Variants in CTNNA3 observed in about 807,000 individuals in gnomAD.
CTNNA3 encodes the protein catenin alpha-3.
CTNNA3 carries 76 observed loss-of-function variants against 95.7 expected under a neutral mutation model. The ratio of observed to expected loss-of-function variants is 0.79; its 90% CI spans 0.66 to 0.96. CTNNA3 has a LOEUF of 0.96. Among genes scored for constraint, CTNNA3 ranks in the 40% least tolerant of loss-of-function variants. The pLI, the probability that CTNNA3 is intolerant of heterozygous loss-of-function variation, is 0.00. For missense variants in CTNNA3, 1,191 were observed against 1,089.8 expected (o/e 1.09, Z -1.31); for synonymous variants, 431 against 374.4 (o/e 1.15, Z -1.74).
At chr10:67,203,275 G>T (rs1019043773) in intron 6 of CTNNA3, among the ~76,000 whole-genome samples, 1 of 152,168 alleles carries the variant, frequency 6.6e-6, no homozygotes, top group Non-Finnish European at 1.5e-5. Context: ...CACGAGATCT[G>T]ATGGTTTTAT....
intron 5 of CTNNA3, among the ~76,000 whole-genome samples, chr10:67,287,061 C>T (rs576328051): frequency 4.7e-4 from 72 of 152,200 alleles, no homozygotes; most frequent in African/African-American, 1.6e-3. Context: ...ATGCTGGGCC[C>T]GAGCGCGGTG....
intron 11 of CTNNA3, among the ~76,000 whole-genome samples, chr10:66,439,241 C>G (rs928332813): frequency 1.3e-4 from 19 of 151,868 alleles, no homozygotes; most frequent in African/African-American, 4.1e-4. Flanking sequence ...TCATAAAGTA[C>G]AATATATCAA....
intron 7 of CTNNA3, among the ~76,000 whole-genome samples, chr10:67,118,431 C>G (rs1187829173): frequency 6.6e-6 from 1 of 151,944 alleles, no homozygotes; most frequent in Non-Finnish European, 1.5e-5. Context: ...TTCTGCTTTG[C>G]TCTGTTCTAA....
chr10:67,140,251 G>A (rs1323533571), intron 7 of CTNNA3, among the ~76,000 whole-genome samples: 2 of 152,026 alleles, frequency 1.3e-5, no homozygotes, highest in African/African-American at 4.8e-5. Flanking sequence ...GGTTTTATTT[G>A]TAGGTCAATT....
At chr10:65,968,884 G>A (rs890470779) in intron 16 of CTNNA3, among the ~76,000 whole-genome samples, 12 of 152,222 alleles carry the variant, frequency 7.9e-5, no homozygotes, top group African/African-American at 2.4e-4. Flanking sequence ...CTTCAGCACC[G>A]GTGCTCATGC....
At chr10:67,341,530 TC>T (rs1285142854) in intron 5 of CTNNA3, among the ~76,000 whole-genome samples, 3 of 152,246 alleles carry the variant, frequency 2.0e-5, no homozygotes, top group African/African-American at 7.2e-5. Context: ...AGGATCTTAT[TC>T]TTTTTTATGG....
intron 1 of CTNNA3, among the ~76,000 whole-genome samples, chr10:67,713,681 AG>A (rs1841125682): frequency 6.6e-6 from 1 of 152,230 alleles, no homozygotes; most frequent in African/African-American, 2.4e-5. Flanking sequence ...AAACTAACAC[AG>A]GAACAGAAAA....
intron 2 of CTNNA3, among the ~76,000 whole-genome samples, chr10:67,629,669 G>C (rs1839077521): frequency 6.6e-6 from 1 of 152,162 alleles, no homozygotes; most frequent in African/African-American, 2.4e-5. Flanking sequence ...ATAAGGATAA[G>C]CATCTGGCCT....
chr10:67,681,012 A>T (rs1039006835), intron 1 of CTNNA3, among the ~76,000 whole-genome samples: 15 of 152,214 alleles, frequency 9.9e-5, no homozygotes, highest in Non-Finnish European at 1.6e-4. Flanking sequence ...ACCAATAAAA[A>T]TTTTTTAAAT....
rs959596944 is a variant in CTNNA3, at chr10:67,136,207, C to A, written c.1047+44110G>T. 2.0e-5 allele frequency among the ~76,000 whole-genome samples: 3 copies of A among 151,902 alleles called. No individual in the cohort carries two copies. The South Asian group carries it at 6.2e-4, about 32-fold the overall frequency. On this transcript the variant is annotated intron_variant, in intron 7 of 17. Transcript: ENST00000433211. ...TACCAGTCATTACATATTCCATTAT[C>A]CCTTATATTTTCTATTTTTAGGGTA...
intron 13 of CTNNA3, among the ~76,000 whole-genome samples, chr10:66,217,843 C>G (rs1005428725): frequency 1.4e-4 from 21 of 152,084 alleles, no homozygotes; most frequent in Non-Finnish European, 1.3e-4. Flanking sequence ...AGCGGGAGGT[C>G]CAGCGAAACT....
chr10:67,450,790 TA>T (rs986657853), intron 5 of CTNNA3, among the ~76,000 whole-genome samples: 8 of 151,368 alleles, frequency 5.3e-5, no homozygotes, highest in African/African-American at 1.7e-4. Context: ...AATAAAAGTT[TA>T]AAAAAAAGTT....
rs548070171 is a variant in CTNNA3, at chr10:65,937,849, T to C, written c.2401-17232A>G. Among the ~76,000 whole-genome samples the C allele has an allele frequency of 9.8e-5, 15 of 152,294 alleles. No individual in the cohort carries two copies. The South Asian group carries it at 2.5e-3, about 25-fold the overall frequency. On this transcript the variant is annotated intron_variant, in intron 17 of 17. Coordinates refer to ENST00000433211, the MANE Select transcript of CTNNA3 (RefSeq NM_013266.4). ...TTTTTCTTTGATTCTGTGAATCTAA[T>C]AGATCATGACACTTTGCAAGCAGGT...
intron 17 of CTNNA3, among the ~76,000 whole-genome samples, chr10:65,946,367 C>G (rs1387992235): frequency 1.3e-5 from 2 of 152,038 alleles, no homozygotes; most frequent in Non-Finnish European, 2.9e-5. Context: ...AAATTACAAA[C>G]TTTTTTAGCA....
intron 12 of CTNNA3, among the ~76,000 whole-genome samples, chr10:66,366,030 A>G (rs2092708943): frequency 6.6e-6 from 1 of 152,126 alleles, no homozygotes; most frequent in Non-Finnish European, 1.5e-5. Flanking sequence ...ACCGTCAGAC[A>G]TTATGAGACA....
chr10:66,818,686 C>T (rs1842182613), intron 7 of CTNNA3, among the ~76,000 whole-genome samples: 1 of 151,628 alleles, frequency 6.6e-6, no homozygotes, highest in Admixed American at 6.6e-5. Context: ...AAATTGGTCA[C>T]AAATTTAATG....
chr10:66,843,477 A>G (rs973271047), intron 7 of CTNNA3, among the ~76,000 whole-genome samples: 3 of 152,176 alleles, frequency 2.0e-5, no homozygotes, highest in Admixed American at 6.5e-5. Flanking sequence ...TCATCACTCA[A>G]ACAGATGATG....
Position 66,077,082 on chromosome 10 carries a change from T to G in CTNNA3, c.1978-7593A>C, listed in dbSNP as rs1242423725. On this transcript the variant is annotated intron_variant, in intron 14 of 17. Transcript: ENST00000433211. ...AATTAAGAAGTGATTGTTAATTTTG[T>G]TCAGTGTTGTGATCATATTGTGGTT... is the stretch of plus-strand genomic sequence containing the variant. 3.3e-5 allele frequency among the ~76,000 whole-genome samples: 5 copies of G among 151,794 alleles called. No homozygotes were observed. In the East Asian group the frequency reaches 9.6e-4, roughly 29 times the overall value.
chr10:66,753,523 G>A (rs368322617), intron 9 of CTNNA3, among the ~76,000 whole-genome samples: 9 of 151,942 alleles, frequency 5.9e-5, no homozygotes, highest in African/African-American at 1.2e-4. Flanking sequence ...TTAGCCAGGC[G>A]TGGTGGTGGG....
Sources: gnomAD v4.1 joint callset for allele counts (sites outside exome capture counted in the v4.1 genomes callset) on GRCh38, gnomAD v4.1.1 for gene constraint, MANE v1.5 for transcripts, NCBI Gene and HGNC (gene_info 2026-07-23, HGNC 2026-07-21) for gene names.